SLC16A2: variants seen among roughly 807,000 people sequenced by gnomAD.
SLC16A2 encodes the protein solute carrier family 16 member 2.
In SLC16A2, 3 loss-of-function variants were observed where a neutral mutation model predicts 27.2. That is an observed-to-expected ratio of 0.11 (90% CI 0.05 to 0.28). SLC16A2 has a LOEUF of 0.28. SLC16A2 is among the 10% of genes least tolerant of loss of function. The pLI is 1.00. For missense variants in SLC16A2, 295 were observed against 458.5 expected (o/e 0.64, Z 3.26); for synonymous variants, 202 against 187.8 (o/e 1.08, Z -0.62).
At chrX:74,521,549 T>G (rs888972777) in intron 2 of SLC16A2, among the ~76,000 whole-genome samples, 4 of 112,306 alleles carry the variant, frequency 3.6e-5, no homozygotes, top group African/African-American at 1.3e-4. Context: ...TTGATTCCCC[T>G]TCAGTGTGCC....
intron 5 of SLC16A2, among the ~76,000 whole-genome samples, chrX:74,530,321 C>T (rs911103856): frequency 1.2e-4 from 13 of 110,227 alleles, no homozygotes; most frequent in African/African-American, 4.0e-4. Context: ...AGGATGGTCT[C>T]GATCTCCTGA....
intron 1 of SLC16A2, among the ~76,000 whole-genome samples, chrX:74,475,590 C>T (rs1349757571): frequency 4.5e-5 from 5 of 111,703 alleles, no homozygotes; most frequent in Non-Finnish European, 7.5e-5. Context: ...CCTAGGTTTT[C>T]TTCTAGGATT....
chrX:74,480,240 C>T (rs1271427415), intron 1 of SLC16A2, among the ~76,000 whole-genome samples: 2 of 112,373 alleles, frequency 1.8e-5, no homozygotes, highest in Non-Finnish European at 3.8e-5. Flanking sequence ...GACTGCTGTG[C>T]TAGCAATGAA....
intron 1 of SLC16A2, among the ~76,000 whole-genome samples, chrX:74,430,411 T>C (rs1044172841): frequency 9.0e-6 from 1 of 111,649 alleles, no homozygotes; most frequent in Non-Finnish European, 1.9e-5. Flanking sequence ...GGCATCCTTA[T>C]GACTCAAGGA....
In SLC16A2 at chrX:74,441,280, A is replaced by G. The variant is rs536086601; in HGVS notation, c.430+19213A>G. ...ACCATGTTGGCCAGGCTGGTCTCGA[A>G]CTCCTGACCTCAAGGTAATCCACCT... On this transcript the variant is annotated intron_variant, in intron 1 of 5. Transcript: ENST00000587091. Among the ~76,000 whole-genome samples, 6 of 110,538 alleles carry G rather than the reference A, an allele frequency of 5.4e-5. No individual in the cohort carries two copies. The South Asian group carries it at 2.3e-3, about 43-fold the overall frequency.
chrX:74,511,824 C>G (rs896022427), intron 1 of SLC16A2, among the ~76,000 whole-genome samples: 1 of 111,744 alleles, frequency 8.9e-6, no homozygotes, highest in Admixed American at 9.5e-5. Flanking sequence ...CATCTATTCA[C>G]TGGACAGACA....
At chrX:74,429,026 G>C (rs12557933) in intron 1 of SLC16A2, among the ~76,000 whole-genome samples, 2,224 of 111,031 alleles carry the variant, frequency 0.02, 31 homozygotes, top group Middle Eastern at 0.07. Flanking sequence ...ATTGGTTGTA[G>C]AGGGGTCAGA....
chrX:74,433,037 G>A (rs142217461), intron 1 of SLC16A2, among the ~76,000 whole-genome samples: 1,467 of 111,589 alleles, frequency 0.013, 23 homozygotes, highest in African/African-American at 0.046. Flanking sequence ...ATGTGTGTGT[G>A]TATACCCTAC....
chrX:74,471,582 G>A (rs745500027), intron 1 of SLC16A2, among the ~76,000 whole-genome samples: 41 of 111,875 alleles, frequency 3.7e-4, no homozygotes, highest in Admixed American at 5.7e-4. Flanking sequence ...CTCATTCTGT[G>A]TGTTATCTTT....
At chrX:74,520,792 T>A (rs112479728) in intron 1 of SLC16A2, among the ~76,000 whole-genome samples, 198 bp from the exon 2 acceptor site, 141 of 111,747 alleles carry the variant, frequency 1.3e-3, no homozygotes, top group African/African-American at 4.5e-3. Context: ...AGTCCAAATC[T>A]TACCGCAGTG....
At chrX:74,425,526 A>G (rs1453834016) in intron 1 of SLC16A2, among the ~76,000 whole-genome samples, 1 of 111,374 alleles carries the variant, frequency 9.0e-6, no homozygotes, top group Non-Finnish European at 1.9e-5. Flanking sequence ...ACCAAACAGC[A>G]GACAGGACAG....
At chrX:74,439,186 T>TTCTTTCTTTCTTTCTTTCTTTCTTTTTC in intron 1 of SLC16A2, among the ~76,000 whole-genome samples, 2 of 51,485 alleles carry the variant, frequency 3.9e-5, no homozygotes, top group African/African-American at 2.9e-4. Context: ...CTTTCTTTCT[T>TTCTTTCTTTCTTTCTTTCTTTCTTTTTC]TTTCTTTCTT....
intron 1 of SLC16A2, among the ~76,000 whole-genome samples, chrX:74,426,414 A>G (rs1319768910): frequency 8.9e-6 from 1 of 112,225 alleles, no homozygotes; most frequent in Non-Finnish European, 1.9e-5. Flanking sequence ...GAGGCCAACC[A>G]GGAGGATGCT....
chrX:74,442,683 G>A (rs1928772426), intron 1 of SLC16A2, among the ~76,000 whole-genome samples: 2 of 112,459 alleles, frequency 1.8e-5, no homozygotes, highest in South Asian at 3.7e-4. Context: ...AGGTCCAGGC[G>A]CAGTGGCTCA....
At chrX:74,481,454 A>G (rs946075248) in intron 1 of SLC16A2, among the ~76,000 whole-genome samples, 6 of 111,220 alleles carry the variant, frequency 5.4e-5, no homozygotes, top group Non-Finnish European at 9.4e-5. Context: ...CTTTATAGAA[A>G]TTTTTCCCTT....
intron 1 of SLC16A2, among the ~76,000 whole-genome samples, chrX:74,498,004 T>A (rs1028617381): frequency 2.7e-5 from 3 of 111,656 alleles, no homozygotes; most frequent in African/African-American, 9.8e-5. Flanking sequence ...CATAGTTGAG[T>A]CCATCTTGCT....
chrX:74,489,970 T>TACACACACACACACAC (rs55975734), intron 1 of SLC16A2, among the ~76,000 whole-genome samples: 255 of 87,149 alleles, frequency 2.9e-3, no homozygotes, highest in Non-Finnish European at 4.5e-3. Context: ...GTCACACACA[T>TACACACACACACACAC]ACACACACAC....
chrX:74,465,175 G>T (rs777858644), intron 1 of SLC16A2, among the ~76,000 whole-genome samples: 3 of 112,041 alleles, frequency 2.7e-5, no homozygotes, highest in Admixed American at 9.5e-5. Context: ...GGCCATACTT[G>T]TATTTCACTC....
At chrX:74,467,369 T>A in intron 1 of SLC16A2, among the ~76,000 whole-genome samples, 3 of 111,163 alleles carry the variant, frequency 2.7e-5, no homozygotes, top group African/African-American at 9.8e-5. Context: ...TATCCCAGGT[T>A]AGTATGTGCA....
Sources: allele counts gnomAD v4.1 joint callset (sites outside exome capture counted in the v4.1 genomes callset), GRCh38; gene constraint gnomAD v4.1.1; transcripts MANE v1.5; gene names NCBI Gene and HGNC (gene_info 2026-07-23, HGNC 2026-07-21).